The following CDH7 variants were observed in gnomAD, a reference collection of about 807,000 sequenced individuals.
CDH7 encodes cadherin-7.
A neutral mutation model predicts 71.8 loss-of-function variants in CDH7; 25 were observed. The observed-to-expected ratio is 0.35, with a 90% CI of 0.25 to 0.49. The LOEUF is 0.49. CDH7 is among the 20% of genes least tolerant of loss of function. CDH7 has a pLI of 0.99. For missense variants in CDH7, 862 were observed against 974.6 expected (o/e 0.88, Z 1.54); for synonymous variants, 381 against 363.8 (o/e 1.05, Z -0.54).
intron 2 of CDH7, among the ~76,000 whole-genome samples, chr18:65,799,325 C>G (rs1911029222): frequency 6.6e-6 from 1 of 152,016 alleles, no homozygotes; most frequent in Non-Finnish European, 1.5e-5. Flanking sequence ...TAGGATCACC[C>G]TGCTGTAGGA....
chr18:65,763,350 T>C (rs963523614), intron 2 of CDH7, among the ~76,000 whole-genome samples: 1 of 152,148 alleles, frequency 6.6e-6, no homozygotes, highest in African/African-American at 2.4e-5. Context: ...TGATAAACTG[T>C]CGTTACCAAA....
At chr18:65,769,391 T>C (rs1460634898) in intron 2 of CDH7, among the ~76,000 whole-genome samples, 2 of 152,234 alleles carry the variant, frequency 1.3e-5, no homozygotes, top group African/African-American at 4.8e-5. Context: ...TTCTCATCTG[T>C]AAAATGTGAT....
intron 2 of CDH7, chr18:65,803,307 AC>A (rs1193101500): frequency 1.3e-5 from 2 of 152,130 alleles, no homozygotes; most frequent in African/African-American, 4.8e-5. Context: ...ATTACTGTGA[AC>A]TTTTTCTGAG....
At chr18:65,851,041 C>A (rs1913133252) in intron 7 of CDH7, among the ~76,000 whole-genome samples, 1 of 152,024 alleles carries the variant, frequency 6.6e-6, no homozygotes, top group Admixed American at 6.6e-5. Flanking sequence ...TGAACTCAAG[C>A]AATCCACCCA....
chr18:65,786,777 G>A (rs909929961), intron 2 of CDH7, among the ~76,000 whole-genome samples: 23 of 152,064 alleles, frequency 1.5e-4, no homozygotes, highest in Admixed American at 6.6e-5. Flanking sequence ...CCAAATTCCT[G>A]GTCTCAAACA....
intron 2 of CDH7, among the ~76,000 whole-genome samples, chr18:65,765,575 A>G (rs879576918): frequency 5.9e-5 from 9 of 152,022 alleles, no homozygotes; most frequent in Non-Finnish European, 1.3e-4. Flanking sequence ...GCAGATAATC[A>G]TAGAAAGAAA....
At chr18:65,854,315 T>TAA (rs1913270033) in intron 7 of CDH7, among the ~76,000 whole-genome samples, 2 of 151,196 alleles carry the variant, frequency 1.3e-5, no homozygotes, top group African/African-American at 4.9e-5. Context: ...AATAAATAAA[T>TAA]ATATCTACAA....
chr18:65,782,114 CTTTCTTTCTTTCT>C (rs1568182550), intron 2 of CDH7, among the ~76,000 whole-genome samples: 17 of 47,244 alleles, frequency 3.6e-4, no homozygotes, highest in African/African-American at 2.0e-3. Context: ...TTCCTTCTTT[CTTTCTTTCTTTCT>C]TTCTTTCTTT....
intron 7 of CDH7, among the ~76,000 whole-genome samples, chr18:65,850,988 G>A (rs7343037): frequency 0.08 from 12,078 of 151,830 alleles, 1,579 homozygotes; most frequent in African/African-American, 0.28. Flanking sequence ...ATTGTTTGTA[G>A]AGATGGGGCT....
At chr18:65,851,733 T>C (rs991056707) in intron 7 of CDH7, among the ~76,000 whole-genome samples, 2 of 152,198 alleles carry the variant, frequency 1.3e-5, no homozygotes, top group African/African-American at 4.8e-5. Flanking sequence ...AAAATGAGAA[T>C]TCATCCTGTA....
At chr18:65,757,646 C>T (rs992603211) in intron 1 of CDH7, among the ~76,000 whole-genome samples, 5 of 152,082 alleles carry the variant, frequency 3.3e-5, no homozygotes, top group Admixed American at 6.5e-5. Flanking sequence ...CACTACTACT[C>T]CCTGAGACAT....
At chr18:65,766,052 C>T (rs1295134604) in intron 2 of CDH7, among the ~76,000 whole-genome samples, 3 of 151,876 alleles carry the variant, frequency 2.0e-5, no homozygotes, top group Admixed American at 6.6e-5. Flanking sequence ...CTGTGTGATT[C>T]CTCAGATGAA....
At position 65,828,307 on chromosome 18, in the gene CDH7, G is replaced by A. The variant is rs148241069; in HGVS notation, c.981+3476G>A. 6.2e-3 allele frequency among the ~76,000 whole-genome samples: 948 copies of A among 152,120 alleles called. 12 individuals are homozygous for A. Among genetic ancestry groups the A allele is most frequent in the African/African-American group, 0.021 (872 of 41,510 alleles). On this transcript the variant is annotated intron_variant, in intron 6 of 11. Coordinates refer to ENST00000397968, the MANE Select transcript of CDH7 (RefSeq NM_004361.5). ...ACTGCAGTTTAAGCTTACTAATTAC[G>A]AAGGTTTTCTTTTCACTTGCAAAAA... is the stretch of plus-strand genomic sequence containing the variant.
intron 11 of CDH7, among the ~76,000 whole-genome samples, chr18:65,875,929 CA>C (rs1192156079): frequency 6.6e-6 from 1 of 151,642 alleles, no homozygotes; most frequent in Non-Finnish European, 1.5e-5. Flanking sequence ...ACTCTGTCTC[CA>C]AAAAATAAAA....
At chr18:65,772,449 A>T (rs1240058958) in intron 2 of CDH7, among the ~76,000 whole-genome samples, 2 of 152,178 alleles carry the variant, frequency 1.3e-5, no homozygotes, top group African/African-American at 4.8e-5. Flanking sequence ...AGCTGAATTT[A>T]GGTGGTTAAC....
intron 7 of CDH7, among the ~76,000 whole-genome samples, chr18:65,845,561 A>G (rs1912908142): frequency 6.6e-6 from 1 of 152,120 alleles, no homozygotes; most frequent in African/African-American, 2.4e-5. Context: ...ATAGCATTCC[A>G]TCTCTTAGTG....
chr18:65,815,809 C>T (rs1911704633), intron 4 of CDH7, among the ~76,000 whole-genome samples: 2 of 152,164 alleles, frequency 1.3e-5, no homozygotes, highest in African/African-American at 4.8e-5. Flanking sequence ...TTCTGTTTGA[C>T]TGAATGATAG....
At chr18:65,783,837 A>G (rs1231578588) in intron 2 of CDH7, among the ~76,000 whole-genome samples, 9 of 152,320 alleles carry the variant, frequency 5.9e-5, no homozygotes, top group Middle Eastern at 3.4e-3. Flanking sequence ...CTAGTGAGGG[A>G]CACAACAAAA....
chr18:65,844,457 C>T (rs1415464263), intron 7 of CDH7, among the ~76,000 whole-genome samples: 1 of 151,806 alleles, frequency 6.6e-6, no homozygotes. Flanking sequence ...AAATTAGGGA[C>T]TAATTTCTAA....
Sources: gnomAD v4.1 joint callset for allele counts (sites outside exome capture counted in the v4.1 genomes callset) on GRCh38, gnomAD v4.1.1 for gene constraint, MANE v1.5 for transcripts, NCBI Gene and HGNC (gene_info 2026-07-23, HGNC 2026-07-21) for gene names.